The following MTUS1 variants were observed in gnomAD, a reference collection of about 807,000 sequenced individuals.
MTUS1 encodes the protein microtubule associated scaffold protein 1, also known as microtubule-associated tumor suppressor 1.
Under a neutral mutation model 120.8 loss-of-function variants are expected in MTUS1, and 109 were observed. The ratio of observed to expected loss-of-function variants is 0.90; its 90% CI spans 0.77 to 1.06. The LOEUF (loss-of-function observed/expected upper bound fraction) is 1.06, where lower values mean the gene tolerates loss of function less well. Ranked by LOEUF, MTUS1 falls within the 50% of genes least tolerant of loss-of-function variation. The probability of loss-of-function intolerance (pLI) is 0.00; values close to 1 mark genes in which losing one functional copy is unlikely to be tolerated. For missense variants in MTUS1, 2,210 were observed against 1,486.3 expected, an observed-to-expected ratio of 1.49 and a Z score of -8.01; for synonymous variants, 737 against 550.5, an observed-to-expected ratio of 1.34 and a Z score of -4.74.
intron 1 of MTUS1, among the ~76,000 whole-genome samples, chr8:17,786,832 C>T (rs1008306472): frequency 2.0e-5 from 3 of 152,140 alleles, no homozygotes; most frequent in South Asian, 2.1e-4. Context: ...GCAGGGGTAG[C>T]GCTTTATCAC....
At chr8:17,749,483 A>T (rs2048019857) in intron 2 of MTUS1, among the ~76,000 whole-genome samples, 1 of 151,934 alleles carries the variant, frequency 6.6e-6, no homozygotes, top group African/African-American at 2.4e-5. Flanking sequence ...ACATGAGGAA[A>T]GCCAGTCTCT....
chr8:17,687,312 T>C (rs1298235744), intron 6 of MTUS1, among the ~76,000 whole-genome samples: 1 of 152,120 alleles, frequency 6.6e-6, no homozygotes, highest in Non-Finnish European at 1.5e-5. Flanking sequence ...TCAGCACTCC[T>C]GGCTCAGCTG....
chr8:17,767,470 G>A (rs561221836), intron 1 of MTUS1, among the ~76,000 whole-genome samples: 6 of 151,512 alleles, frequency 4.0e-5, no homozygotes, highest in African/African-American at 4.9e-5. Context: ...TCCAAGGCAG[G>A]AGGATTGCTT....
intron 2 of MTUS1, among the ~76,000 whole-genome samples, chr8:17,751,862 T>TAAAAAAAAAAAAAAAAAAAAA (rs56362055): frequency 2.1e-4 from 20 of 96,504 alleles, no homozygotes; most frequent in Non-Finnish European, 2.9e-4. Context: ...GACTCTGCCT[T>TAAAAAAAAAAAAAAAAAAAAA]AAAAAAAAAA....
At chr8:17,773,496 T>G (rs2050168038) in intron 1 of MTUS1, among the ~76,000 whole-genome samples, 1 of 152,208 alleles carries the variant, frequency 6.6e-6, no homozygotes, top group Non-Finnish European at 1.5e-5. Flanking sequence ...GGGTAACTTA[T>G]AAGCCATCAA....
intron 3 of MTUS1, among the ~76,000 whole-genome samples, chr8:17,739,203 T>G (rs1039318365): frequency 2.6e-5 from 4 of 151,870 alleles, no homozygotes; most frequent in Admixed American, 6.6e-5. Context: ...TTATTAAAAA[T>G]AAAACTCAGG....
chr8:17,730,792 A>G (rs1044060302), intron 3 of MTUS1, among the ~76,000 whole-genome samples: 10 of 152,218 alleles, frequency 6.6e-5, no homozygotes, highest in African/African-American at 2.2e-4. Context: ...GACAGAACAT[A>G]GAGTGGTGAG....
intron 6 of MTUS1, among the ~76,000 whole-genome samples, chr8:17,704,851 G>C (rs1819832100): frequency 6.6e-6 from 1 of 151,896 alleles, no homozygotes; most frequent in Non-Finnish European, 1.5e-5. Flanking sequence ...AGATCTCTTT[G>C]GGTGGTATGT....
intron 7 of MTUS1, among the ~76,000 whole-genome samples, chr8:17,679,242 A>G (rs1813762171): frequency 6.6e-6 from 1 of 152,020 alleles, no homozygotes; most frequent in South Asian, 2.1e-4. Context: ...CATATATAAA[A>G]ATACATAGAC....
intron 1 of MTUS1, among the ~76,000 whole-genome samples, chr8:17,771,050 T>C (rs17125326): frequency 0.01 from 1,596 of 152,342 alleles, 26 homozygotes; most frequent in African/African-American, 0.036. Flanking sequence ...GGAATTTAGA[T>C]GTAAGGAATA....
intron 1 of MTUS1, among the ~76,000 whole-genome samples, chr8:17,793,839 T>C (rs1043215563): frequency 1.3e-5 from 2 of 152,208 alleles, no homozygotes; most frequent in African/African-American, 2.4e-5. Context: ...GAATTTTTAA[T>C]GCAAAGCCCA....
At chr8:17,774,615 T>C (rs769802879) in intron 1 of MTUS1, among the ~76,000 whole-genome samples, 4 of 152,218 alleles carry the variant, frequency 2.6e-5, no homozygotes, top group African/African-American at 4.8e-5. Flanking sequence ...TATGGAGAAA[T>C]TGGAACCCCC....
rs112074849 is a variant in MTUS1 at position 17,739,531 on chromosome 8, A to T, written c.2287+4073T>A. On this transcript the variant is annotated intron_variant, in intron 3 of 14. Transcript: ENST00000693296. ...AATAAATAAATTAATAAATCAAACA[A>T]ACAAAACTCATGGCCATACTAATAG... 5.6e-3 allele frequency among the ~76,000 whole-genome samples: 853 copies of T among 152,210 alleles called. 4 individuals are homozygous for T. The highest frequency in any genetic ancestry group is 0.017 in the African/African-American group (723 of 41,528).
At chr8:17,717,412 T>C (rs905110335) in intron 4 of MTUS1, among the ~76,000 whole-genome samples, 2 of 152,242 alleles carry the variant, frequency 1.3e-5, no homozygotes, top group African/African-American at 4.8e-5. Context: ...TGGGTTTCAA[T>C]TAGCATTTTA....
intron 8 of MTUS1, among the ~76,000 whole-genome samples, chr8:17,670,236 G>C (rs1475835437): frequency 6.6e-6 from 1 of 152,192 alleles, no homozygotes; most frequent in Non-Finnish European, 1.5e-5. Context: ...GATTATACTG[G>C]ACTGGCTCAC....
chr8:17,792,336 T>C (rs1483249167), intron 1 of MTUS1, among the ~76,000 whole-genome samples: 1 of 152,198 alleles, frequency 6.6e-6, no homozygotes. Flanking sequence ...TAGTTTTCAT[T>C]TGATTATATA....
At chr8:17,721,926 G>C in intron 4 of MTUS1, 1 of 1,600,314 alleles carries the variant, frequency 6.2e-7, no homozygotes, top group Non-Finnish European at 8.5e-7. Context: ...GCAAGCTTAA[G>C]CAGGAAAAAC....
At chr8:17,730,135 G>A (rs1050210655) in intron 3 of MTUS1, among the ~76,000 whole-genome samples, 2 of 152,178 alleles carry the variant, frequency 1.3e-5, no homozygotes, top group Non-Finnish European at 2.9e-5. Context: ...AATTAAACCT[G>A]AAGTTACCAT....
intron 3 of MTUS1, among the ~76,000 whole-genome samples, chr8:17,738,293 C>T (rs1241323639): frequency 6.6e-6 from 1 of 152,216 alleles, no homozygotes. Context: ...GCTGCATAAA[C>T]ACGCACTCTC....
Sources: allele counts gnomAD v4.1 joint callset (sites outside exome capture counted in the v4.1 genomes callset), GRCh38; gene constraint gnomAD v4.1.1; transcripts MANE v1.5; gene names NCBI Gene and HGNC (gene_info 2026-07-23, HGNC 2026-07-21).